The following ZAP70 variants were observed in gnomAD, a reference collection of about 807,000 sequenced individuals.
ZAP70 encodes the protein zeta chain of T cell receptor associated protein kinase 70.
In ZAP70, 27 loss-of-function variants were observed where a neutral mutation model predicts 65.8. The observed-to-expected ratio is 0.41, with a 90% confidence interval of 0.30 to 0.57. The LOEUF is 0.57. ZAP70 is among the 20% of genes least tolerant of loss of function. The probability of loss-of-function intolerance (pLI) is 0.28; values close to 1 mark genes in which losing one functional copy is unlikely to be tolerated. For missense variants in ZAP70, 696 were observed against 870.5 expected (o/e 0.80, Z 2.52); for synonymous variants, 363 against 360.8 (o/e 1.01, Z -0.07).
At chr2:97,714,446 A>G (rs1676829942) in intron 2 of ZAP70, among the ~76,000 whole-genome samples, 1 of 152,218 alleles carries the variant, frequency 6.6e-6, no homozygotes, top group African/African-American at 2.4e-5. Flanking sequence ...CTCAGGTTAG[A>G]GGAAGACCTG....
In ZAP70 at chr2:97,724,598, G is replaced by C. The variant is rs958031543; in HGVS notation, c.402+160G>C. On this transcript the variant is annotated intron_variant, in intron 3 of 13. Transcript: ENST00000264972. ...CACTGGTTGGGGAAGAACCTGAAAG[G>C]AGGCCTCAGAGGCAGGGGCTCCGTG... 2.5e-5 allele frequency: 38 copies of C among 1,534,098 alleles called. No individual in the cohort carries two copies. The East Asian group carries it at 9.1e-4, about 37-fold the overall frequency.
the ZAP70 span, among the ~76,000 whole-genome samples, chr2:97,748,747 C>T: frequency 5.7e-4 from 87 of 152,286 alleles, no homozygotes; most frequent in Middle Eastern, 6.8e-3. Context: ...CCAAGGTTCC[C>T]GCCACCTCTA....
chr2:97,716,146 G>A (rs554475790), intron 2 of ZAP70, among the ~76,000 whole-genome samples: 3 of 152,270 alleles, frequency 2.0e-5, no homozygotes, highest in East Asian at 1.9e-4. Context: ...AGGATGCAGC[G>A]CAGTTCTGGG....
chr2:97,749,645 T>A, the ZAP70 span, among the ~76,000 whole-genome samples: 1 of 152,006 alleles, frequency 6.6e-6, no homozygotes, highest in Non-Finnish European at 1.5e-5. Flanking sequence ...GAAAAGGAGG[T>A]GGTGCTTTGT....
At chr2:97,721,858 C>A (rs1452352892) in intron 2 of ZAP70, among the ~76,000 whole-genome samples, 4 of 150,900 alleles carry the variant, frequency 2.7e-5, no homozygotes, top group African/African-American at 7.3e-5. Context: ...GCGATCTCAG[C>A]TCACTGCAAC....
chr2:97,741,338 G>A (rs1309929608), downstream of ZAP70, among the ~76,000 whole-genome samples: 1 of 152,130 alleles, frequency 6.6e-6, no homozygotes, highest in Non-Finnish European at 1.5e-5. Context: ...CAGCGCCCAC[G>A]CGGACTCCCC....
chr2:97,737,727 C>T lies in ZAP70; in HGVS notation c.1483-30C>T, dbSNP rs915506858. On this transcript the variant is annotated intron_variant, in intron 11 of 13. Coordinates refer to ENST00000264972, the MANE Select transcript of ZAP70 (RefSeq NM_001079.4). The surrounding 1 kb of genome is among the most constrained non-coding windows in gnomAD (Gnocchi z 5.0). ...CTGGGTGGGTAGAGGGTCCCTGACC[C>T]CTGATCCAGCAGCATCTCCCCCTCC... is the stretch of plus-strand genomic sequence containing the variant. 2 of 1,613,986 alleles carry T rather than the reference C, an allele frequency of 1.2e-6. No homozygotes were observed. Among genetic ancestry groups the T allele is most frequent in the Non-Finnish European group, 1.7e-6 (2 of 1,180,006 alleles).
At chr2:97,730,007 G>A (rs1309001043) in intron 4 of ZAP70, among the ~76,000 whole-genome samples, 1 of 152,072 alleles carries the variant, frequency 6.6e-6, no homozygotes, top group Non-Finnish European at 1.5e-5. Context: ...CAGGCGGATC[G>A]TCTAATGTCG....
At chr2:97,738,552 C>T (rs2104706667) in intron 13 of ZAP70, 1 of 245,312 alleles carries the variant, frequency 4.1e-6, no homozygotes, top group South Asian at 5.5e-5. Context: ...CCAGCCCCCA[C>T]CTCTGCCTGG....
chr2:97,734,551 G>C lies in ZAP70; in HGVS notation c.921G>C (p.Pro307=), dbSNP rs754376652. 1 of 1,614,094 alleles carries C rather than the reference G, an allele frequency of 6.2e-7. No homozygotes were observed. The highest frequency in any genetic ancestry group is 8.5e-7 in the Non-Finnish European group (1 of 1,179,990). The part of the protein sequence containing the change: ...ARITSPDKPR[P]MPMDTSVYES... ...TAACGTCCCCAGACAAACCGCGGCC[G>C]ATGCCCATGGACACGAGCGTGTATG... is the stretch of plus-strand genomic sequence containing the variant. Residue 307 remains proline (P), a synonymous_variant, in exon 9 of 14, where the codon CCG becomes CCC. Transcript: ENST00000264972.
At chr2:97,744,926 A>G in the ZAP70 span, among the ~76,000 whole-genome samples, 1 of 152,258 alleles carries the variant, frequency 6.6e-6, no homozygotes, top group Non-Finnish European at 1.5e-5. Flanking sequence ...ATATTTTTGG[A>G]TTTCGCAGTG....
intron 7 of ZAP70, 92 bp downstream of exon 7, chr2:97,733,435 G>A (rs1349325225): frequency 1.2e-6 from 2 of 1,601,512 alleles, no homozygotes; most frequent in Non-Finnish European, 1.7e-6. Context: ...TGCCTGTGGA[G>A]CGGAAGAAGC....
rs200059309 is a variant in ZAP70, at chr2:97,737,902, G to A, written c.1623+5G>A. On this transcript the variant is annotated splice_donor_5th_base_variant and intron_variant, in intron 12 of 13. Transcript: ENST00000264972. The surrounding 1 kb of genome is among the most constrained non-coding windows in gnomAD (Gnocchi z 5.0). ...TACGGCCAGAAGCCCTACAAGGCAG[G>A]CGCGGGCAGAGGCAGGTGGGCGGTG... 1.2e-6 allele frequency: 2 copies of A among 1,614,032 alleles called. No homozygotes were observed. The highest frequency in any genetic ancestry group is 1.7e-6 in the Non-Finnish European group (2 of 1,179,980).
rs375934461 is a variant in ZAP70, at chr2:97,732,847, G to C, written c.564-36G>C. The C allele has an allele frequency of 4.7e-5, 76 of 1,612,838 alleles. No individual in the cohort carries two copies. The African/African-American group carries it at 9.9e-4, about 21-fold the overall frequency. On this transcript the variant is annotated intron_variant, in intron 4 of 13. Transcript: ENST00000264972. ...GGGCACAGCAGGAGGCCCCCAGGTG[G>C]CTCTAGGGGTTACATCCCCTCCCTT...
Position 97,719,560 on chromosome 2 carries a change from G to T in ZAP70, c.-21-4456G>T, listed in dbSNP as rs141426298. Among the ~76,000 whole-genome samples the T allele has an allele frequency of 3.3e-3, 493 of 150,240 alleles. 2 individuals are homozygous for T. The highest frequency in any genetic ancestry group is 0.012 in the African/African-American group (471 of 40,928). On this transcript the variant is annotated intron_variant, in intron 2 of 13. Coordinates refer to ENST00000264972, the MANE Select transcript of ZAP70 (RefSeq NM_001079.4). ...CAGTGCTGGAGAACAGCCTGGGGGG[G>T]GGGCGCAGACCAGGTCTGGCTGAGA...
rs1259696561 is a variant in ZAP70, at chr2:97,724,186, C to T, written c.150C>T (p.Leu50=). ...CGCTGGGCGGCTATGTGCTGTCGCT[C>T]GTGCACGATGTGCGCTTCCACCACT... ...LRSLGGYVLS[L]VHDVRFHHFP... is the part of the protein sequence containing the mutation. Residue 50 remains leucine (L), a synonymous_variant, in exon 3 of 14, where the codon CTC becomes CTT. Coordinates refer to ENST00000264972, the MANE Select transcript of ZAP70 (RefSeq NM_001079.4). 3 of 1,596,914 alleles carry T rather than the reference C, an allele frequency of 1.9e-6. No homozygotes were observed. Among genetic ancestry groups the T allele is most frequent in the Non-Finnish European group, 1.7e-6 (2 of 1,173,454 alleles).
At chr2:97,728,291 G>T (rs1677469715) in intron 4 of ZAP70, among the ~76,000 whole-genome samples, 1 of 152,198 alleles carries the variant, frequency 6.6e-6, no homozygotes, top group Non-Finnish European at 1.5e-5. Context: ...GGAGGGTGTG[G>T]CTAGGAAGGA....
At chr2:97,738,468 C>T (rs1022754330) in intron 13 of ZAP70, 6 of 350,202 alleles carry the variant, frequency 1.7e-5, no homozygotes, top group African/African-American at 1.1e-4. Context: ...CCCAACACTC[C>T]AGTCCCCACC....
chr2:97,739,245 C>CCACCA, intron 13 of ZAP70, 130 bp from the exon 14 acceptor site: 2 of 1,436,028 alleles, frequency 1.4e-6, no homozygotes, highest in African/African-American at 2.8e-5. Context: ...TGTCCCGCCA[C>CCACCA]CCCAACAGCC....
Sources: allele counts gnomAD v4.1 joint callset (sites outside exome capture counted in the v4.1 genomes callset), GRCh38; gene constraint gnomAD v4.1.1; non-coding constraint Gnocchi (gnomAD v3.1); transcripts MANE v1.5; gene names NCBI Gene and HGNC (gene_info 2026-07-23, HGNC 2026-07-21).